The following TTC34 variants were observed in gnomAD, a reference collection of about 807,000 sequenced individuals.
TTC34 encodes the protein tetratricopeptide repeat protein 34.
Under a neutral mutation model 40.7 loss-of-function variants are expected in TTC34, and 44 were observed. The ratio of observed to expected loss-of-function variants is 1.08; its 90% CI spans 0.85 to 1.39. The LOEUF is 1.39. Ranked by LOEUF, TTC34 falls within the 40% of genes most tolerant of loss-of-function variation. TTC34 has a pLI of 0.00. For missense variants in TTC34, 884 were observed against 838.0 expected, an observed-to-expected ratio of 1.05 and a Z score of -0.68; for synonymous variants, 422 against 398.6, an observed-to-expected ratio of 1.06 and a Z score of -0.70.
chr1:2,644,562 C>G (rs539360301), intron 7 of TTC34, 84 bp from the exon 8 acceptor site: 1 of 1,360,628 alleles, frequency 7.3e-7, no homozygotes, highest in African/African-American at 1.4e-5. Context: ...CGCTCCTTCC[C>G]TGCCCTGTGC....
intron 6 of TTC34, among the ~76,000 whole-genome samples, chr1:2,687,817 G>T (rs542058498): frequency 6.6e-6 from 1 of 150,986 alleles, no homozygotes; most frequent in African/African-American, 2.5e-5. Flanking sequence ...CTCCAGGTGA[G>T]CATCTGATGG....
intron 6 of TTC34, among the ~76,000 whole-genome samples, chr1:2,695,055 AC>A (rs1640798319): frequency 2.9e-5 from 3 of 104,846 alleles, no homozygotes; most frequent in African/African-American, 9.9e-5. Flanking sequence ...CATCTGACAC[AC>A]TGAAACAGCA....
exon 4 of TTC34, chr1:2,787,609 G>A: frequency 6.5e-7 from 1 of 1,549,826 alleles, no homozygotes; most frequent in Non-Finnish European, 8.7e-7. Flanking sequence ...AGGCGGCCCA[G>A]GCGGTACAGG....
intron 6 of TTC34, among the ~76,000 whole-genome samples, chr1:2,696,244 A>C (rs368119841): frequency 2.4e-4 from 5 of 21,230 alleles, no homozygotes; most frequent in Non-Finnish European, 4.4e-4. Flanking sequence ...CACCCCCAGG[A>C]GAGCATCTGA....
chr1:2,761,370 G>A (rs1230765278), intron 6 of TTC34, among the ~76,000 whole-genome samples: 7 of 66,674 alleles, frequency 1.0e-4, no homozygotes, highest in Non-Finnish European at 1.3e-4. Context: ...ACACCCCTAG[G>A]CGAGCATCCG....
intron 6 of TTC34, among the ~76,000 whole-genome samples, chr1:2,651,158 G>A (rs1009841743): frequency 6.6e-6 from 1 of 152,006 alleles, no homozygotes; most frequent in African/African-American, 2.4e-5. Context: ...CCAGCACCAG[G>A]TGAGCACTTC....
intron 6 of TTC34, among the ~76,000 whole-genome samples, chr1:2,646,835 G>C (rs1230759739): frequency 1.3e-5 from 2 of 152,224 alleles, no homozygotes; most frequent in Admixed American, 6.5e-5. Flanking sequence ...CTCAGGATCT[G>C]CTGTGGTGTC....
intron 6 of TTC34, among the ~76,000 whole-genome samples, chr1:2,755,957 A>G (rs1292999213): frequency 3.8e-5 from 3 of 78,018 alleles, no homozygotes; most frequent in Non-Finnish European, 6.7e-5. Context: ...CCAGGTGAGG[A>G]TCTGACAGCC....
At chr1:2,789,003 A>C (rs992439486) in intron 3 of TTC34, among the ~76,000 whole-genome samples, 1 of 152,096 alleles carries the variant, frequency 6.6e-6, no homozygotes, top group African/African-American at 2.4e-5. Flanking sequence ...GCCTGAACCC[A>C]GGAGGCGGAG....
intron 6 of TTC34, among the ~76,000 whole-genome samples, chr1:2,673,274 A>C: frequency 2.8e-5 from 2 of 71,842 alleles, no homozygotes; most frequent in African/African-American, 8.5e-5. Flanking sequence ...CAGCATCCAC[A>C]CCCCCAGGTG....
chr1:2,690,199 AGCC>A (rs1640552974), intron 6 of TTC34, among the ~76,000 whole-genome samples: 1 of 138,756 alleles, frequency 7.2e-6, no homozygotes, highest in African/African-American at 2.7e-5. Context: ...AGCATCTGAC[AGCC>A]TGGAGCAGCA....
intron 6 of TTC34, among the ~76,000 whole-genome samples, chr1:2,649,439 C>T (rs1570749895): frequency 6.6e-6 from 1 of 152,212 alleles, no homozygotes; most frequent in East Asian, 1.9e-4. Context: ...CAGCAGTGCC[C>T]ATACCCAGGT....
chr1:2,653,651 C>A (rs796700136), intron 6 of TTC34, among the ~76,000 whole-genome samples: 32 of 95,090 alleles, frequency 3.4e-4, no homozygotes, highest in South Asian at 5.9e-4. Flanking sequence ...CATCCACACC[C>A]CCAGGCGAGC....
At position 2,787,602 on chromosome 1, in the gene TTC34, C is replaced by A. The variant is rs760147932; in HGVS notation, c.1733G>T (p.Arg578Leu). The A allele has an allele frequency of 2.6e-6, 4 of 1,549,410 alleles. No homozygotes were observed. The highest frequency in any genetic ancestry group is 1.4e-5 in the African/African-American group (1 of 73,060). Residue 578 changes from arginine to leucine, a missense_variant, in exon 4 of 9, where the codon CGC becomes CTC. Coordinates refer to ENST00000401095, the Ensembl canonical transcript of TTC34. ...CAGGGCCTTGTGGGTCTCCTCCAGG[C>A]GGCCCAGGCGGTACAGGGCATCAGC...
chr1:2,688,060 T>A (rs1221007734), intron 6 of TTC34, among the ~76,000 whole-genome samples: 1 of 148,810 alleles, frequency 6.7e-6, no homozygotes, highest in Non-Finnish European at 1.5e-5. Flanking sequence ...CAGGTAAGCA[T>A]CTGACAGCCT....
At chr1:2,686,702 A>C (rs1570815169) in intron 6 of TTC34, among the ~76,000 whole-genome samples, 358 of 147,580 alleles carry the variant, frequency 2.4e-3, no homozygotes, top group Admixed American at 3.2e-3. Context: ...CGCACGTGAC[A>C]GCCTGGAACA....
intron 6 of TTC34, among the ~76,000 whole-genome samples, chr1:2,686,717 A>T (rs61763552): frequency 1.2e-5 from 1 of 84,102 alleles, no homozygotes; most frequent in African/African-American, 5.2e-5. Context: ...GGAACAGCAC[A>T]CACACCCCCA....
At chr1:2,639,897 AG>A (rs1207812214) in exon 9 of TTC34, 1 of 152,400 alleles carries the variant, frequency 6.6e-6, no homozygotes, top group Non-Finnish European at 1.5e-5. Flanking sequence ...GGAGTGGGTG[AG>A]GCCTGAGGAG....
At chr1:2,785,711 T>C in intron 5 of TTC34, 108 bp downstream of exon 5, 1 of 1,267,522 alleles carries the variant, frequency 7.9e-7, no homozygotes. Context: ...CTGAGGCCCC[T>C]GCACCTGGGG....
Sources: allele counts gnomAD v4.1 joint callset (sites outside exome capture counted in the v4.1 genomes callset), GRCh38; gene constraint gnomAD v4.1.1; transcripts MANE v1.5; gene names NCBI Gene and HGNC (gene_info 2026-07-23, HGNC 2026-07-21).